Variants in STK32B observed in about 807,000 individuals in gnomAD.
The protein encoded by STK32B is serine/threonine kinase 32B.
In STK32B, 43 loss-of-function variants were observed where a neutral mutation model predicts 52.6. That is an observed-to-expected ratio of 0.82 (90% CI 0.64 to 1.05). STK32B has a LOEUF of 1.05. STK32B is among the 50% of genes least tolerant of loss of function. STK32B has a pLI of 0.00. For missense variants in STK32B, 621 were observed against 534.6 expected, an observed-to-expected ratio of 1.16 and a Z score of -1.59; for synonymous variants, 238 against 204.3, an observed-to-expected ratio of 1.17 and a Z score of -1.41.
intron 9 of STK32B, among the ~76,000 whole-genome samples, chr4:5,465,498 T>C (rs2109162965): frequency 6.6e-6 from 1 of 152,168 alleles, no homozygotes; most frequent in African/African-American, 2.4e-5. Context: ...GACCCTTTCT[T>C]GTAAATTGGG....
At chr4:5,131,187 A>G (rs1386799345) in intron 1 of STK32B, among the ~76,000 whole-genome samples, 1 of 152,042 alleles carries the variant, frequency 6.6e-6, no homozygotes, top group African/African-American at 2.4e-5. Context: ...TGCCCCTTTC[A>G]CTGCTTCCCA....
chr4:5,384,625 G>T (rs190746745), intron 4 of STK32B, among the ~76,000 whole-genome samples: 140 of 152,286 alleles, frequency 9.2e-4, no homozygotes, highest in African/African-American at 3.3e-3. Context: ...AAATTAACCA[G>T]GCTTTGGGTT....
chr4:5,438,404 C>G (rs1714327368), intron 6 of STK32B, among the ~76,000 whole-genome samples: 1 of 152,202 alleles, frequency 6.6e-6, no homozygotes, highest in African/African-American at 2.4e-5. Context: ...TCAGGATGAT[C>G]TATCACCGAT....
At chr4:5,163,564 G>C (rs1718619415) in intron 2 of STK32B, among the ~76,000 whole-genome samples, 1 of 150,252 alleles carries the variant, frequency 6.7e-6, no homozygotes, top group Non-Finnish European at 1.5e-5. Flanking sequence ...GTGTGTGTGT[G>C]TGTGTGTGTG....
At chr4:5,489,544 C>CA (rs1402829943) in intron 11 of STK32B, among the ~76,000 whole-genome samples, 9 of 151,530 alleles carry the variant, frequency 5.9e-5, no homozygotes, top group African/African-American at 1.2e-4. Flanking sequence ...TAAACCCAGG[C>CA]AAAAAAACGT....
chr4:5,117,929 T>A (rs1196084221), intron 1 of STK32B, among the ~76,000 whole-genome samples: 1 of 152,184 alleles, frequency 6.6e-6, no homozygotes, highest in Non-Finnish European at 1.5e-5. Flanking sequence ...GAACAATTCT[T>A]TTAATGTGCT....
intron 3 of STK32B, among the ~76,000 whole-genome samples, chr4:5,320,179 C>T (rs1472988729): frequency 6.6e-6 from 1 of 152,094 alleles, no homozygotes; most frequent in East Asian, 1.9e-4. Context: ...CTTATCCTTC[C>T]CCTCCTAGAG....
At chr4:5,381,366 G>T (rs147050879) in intron 4 of STK32B, among the ~76,000 whole-genome samples, 6 of 152,286 alleles carry the variant, frequency 3.9e-5, no homozygotes, top group Admixed American at 6.5e-5. Flanking sequence ...TAGAAACCAG[G>T]TCTCTCTGAT....
chr4:5,307,548 C>CA (rs1730006589), intron 3 of STK32B, among the ~76,000 whole-genome samples: 1 of 137,402 alleles, frequency 7.3e-6, no homozygotes, highest in Admixed American at 7.4e-5. Context: ...TATGCTCTAT[C>CA]TTTTTTTTTT....
intron 1 of STK32B, among the ~76,000 whole-genome samples, chr4:5,061,871 T>A (rs1742230355): frequency 6.6e-6 from 1 of 152,242 alleles, no homozygotes; most frequent in African/African-American, 2.4e-5. Context: ...CTTCTTGGAA[T>A]CTGCTTTCCT....
At chr4:5,245,656 T>C (rs1488611938) in intron 3 of STK32B, among the ~76,000 whole-genome samples, 4 of 152,212 alleles carry the variant, frequency 2.6e-5, no homozygotes, top group Non-Finnish European at 4.4e-5. Flanking sequence ...TGATGCAGTT[T>C]CTTCCTAGCC....
intron 3 of STK32B, among the ~76,000 whole-genome samples, chr4:5,287,606 C>T (rs1040219394): frequency 2.0e-5 from 3 of 152,042 alleles, no homozygotes; most frequent in Non-Finnish European, 4.4e-5. Flanking sequence ...CGTTCCTGCC[C>T]CAATCAGTTT....
intron 11 of STK32B, among the ~76,000 whole-genome samples, chr4:5,475,884 A>G (rs1180806648): frequency 1.3e-5 from 2 of 151,716 alleles, no homozygotes; most frequent in African/African-American, 2.4e-5. Context: ...CCTCACCACA[A>G]TCTTTTTGTT....
At chr4:5,464,979 G>T (rs1206110401) in intron 9 of STK32B, among the ~76,000 whole-genome samples, 1 of 152,156 alleles carries the variant, frequency 6.6e-6, no homozygotes, top group East Asian at 1.9e-4. Context: ...GTGAAATCAG[G>T]GAAGGTGATC....
intron 3 of STK32B, among the ~76,000 whole-genome samples, chr4:5,218,586 C>T (rs2097440230): frequency 2.0e-5 from 3 of 152,322 alleles, no homozygotes; most frequent in East Asian, 1.9e-4. Flanking sequence ...GGCTGGTTCT[C>T]ATTCCAGACA....
intron 1 of STK32B, among the ~76,000 whole-genome samples, chr4:5,082,392 T>A (rs1428011192): frequency 6.6e-6 from 1 of 152,078 alleles, no homozygotes; most frequent in Non-Finnish European, 1.5e-5. Flanking sequence ...GATGGAGCAT[T>A]GTAGGTACCC....
chr4:5,348,370 C>A (rs144897518), intron 4 of STK32B, among the ~76,000 whole-genome samples: 60 of 152,288 alleles, frequency 3.9e-4, no homozygotes, highest in African/African-American at 1.3e-3. Flanking sequence ...GAGAGCCCAG[C>A]CACACCAGAC....
intron 3 of STK32B, among the ~76,000 whole-genome samples, chr4:5,260,208 C>T (rs964393768): frequency 4.6e-5 from 7 of 152,296 alleles, no homozygotes; most frequent in Admixed American, 2.6e-4. Context: ...ATGCTTCATG[C>T]TCTGAGTTTT....
At chr4:5,077,042 G>A (rs926018895) in intron 1 of STK32B, among the ~76,000 whole-genome samples, 3 of 152,152 alleles carry the variant, frequency 2.0e-5, no homozygotes, top group African/African-American at 7.2e-5. Context: ...ATGCTTTTAT[G>A]TGGAGGACTC....
Sources: allele counts gnomAD v4.1 joint callset (sites outside exome capture counted in the v4.1 genomes callset), GRCh38; gene constraint gnomAD v4.1.1; transcripts MANE v1.5; gene names NCBI Gene and HGNC (gene_info 2026-07-23, HGNC 2026-07-21).